Variants in CSNK1D observed in about 807,000 individuals in gnomAD.
CSNK1D encodes the protein casein kinase I isoform delta.
CSNK1D carries 16 observed loss-of-function variants against 46.6 expected under a neutral mutation model. The ratio of observed to expected loss-of-function variants is 0.34; its 90% CI spans 0.23 to 0.52. CSNK1D has a LOEUF of 0.52. CSNK1D is among the 20% of genes least tolerant of loss of function. The pLI is 0.95. For missense variants in CSNK1D, 398 were observed against 578.4 expected (o/e 0.69, Z 3.20); for synonymous variants, 276 against 228.2 (o/e 1.21, Z -1.89).
At position 82,250,938 on chromosome 17, in the gene CSNK1D, G is replaced by C; in HGVS notation, c.885+441C>G. ...CTCACACCGCATCAAGAAAGCCACA[G>C]GGAAAATCAGCTCATGACAGGGTCA... On this transcript the variant is annotated intron_variant, in intron 6 of 8. Coordinates refer to ENST00000314028, the MANE Select transcript of CSNK1D (RefSeq NM_001893.6). This position sits in a 1 kb window ranked among gnomAD's most constrained non-coding sequence, Gnocchi z 4.6. The C allele has an allele frequency of 3.8e-6, 1 of 261,466 alleles. No individual in the cohort carries two copies. Among genetic ancestry groups the C allele is most frequent in the South Asian group, 4.1e-5 (1 of 24,580 alleles). The allele number at this position is 261,466 out of a possible 1,614,324, so 16.2% of individuals were successfully genotyped here. A position where few individuals can be genotyped will look rare whatever the true frequency, so the allele number is the denominator to read the frequency against.
At chr17:82,242,034 CCTGGAGTGGA>C (rs1186796673), downstream of CSNK1D, among the ~76,000 whole-genome samples, 2 of 148,944 alleles carry the variant, frequency 1.3e-5, no homozygotes, top group Non-Finnish European at 3.0e-5. Flanking sequence ...AAGGGAGTGG[CCTGGAGTGGA>C]GAGTACTGGG....
At position 82,242,716 on chromosome 17, in the gene CSNK1D, A is replaced by G. The variant is rs1055448886; in HGVS notation, c.*2065T>C. 8 of 985,376 alleles carry G rather than the reference A, an allele frequency of 8.1e-6. No homozygotes were observed. Among genetic ancestry groups the G allele is most frequent in the Non-Finnish European group, 9.6e-6 (8 of 829,932 alleles). 61.0% of individuals were successfully genotyped at this position (985,376 alleles called of 1,614,324 possible). A position where few individuals can be genotyped will look rare whatever the true frequency, so the allele number is the denominator to read the frequency against. On this transcript the variant is annotated 3_prime_UTR_variant, in exon 9 of 9. Transcript: ENST00000314028. ...ATTATTTACACGATTGTTAAAGTAC[A>G]CAAATACAGTGGCGATACAAACGCA...
rs1379055780 is a variant in CSNK1D, at chr17:82,249,480, C to T, written c.1008G>A (p.Gly336=). 1.9e-6 allele frequency: 3 copies of T among 1,542,116 alleles called. No individual in the cohort carries two copies. The highest frequency in any genetic ancestry group is 1.7e-6 in the Non-Finnish European group (2 of 1,146,622). ...GTGTGGGGGGAGCCACTTCCTGCGT[C>T]CCCCGCAGGCGGCCGGAGGCTGTGG... is the stretch of plus-strand genomic sequence containing the variant. ...LPSTASGRLR[G]TQEVAPPTPL... The change falls in exon 7 of 9, where the codon GGG becomes GGA. Residue 336 remains glycine, a synonymous_variant. Coordinates refer to ENST00000314028, the MANE Select transcript of CSNK1D (RefSeq NM_001893.6). This position sits in a 1 kb window ranked among gnomAD's most constrained non-coding sequence, Gnocchi z 6.7.
intron 1 of CSNK1D, 97 bp from the exon 2 acceptor site, chr17:82,265,893 A>G (rs1163222457): frequency 1.0e-6 from 1 of 1,004,408 alleles, no homozygotes; most frequent in Non-Finnish European, 1.6e-6. Flanking sequence ...TTTTCCATGA[A>G]GGACCAAGTG....
At chr17:82,242,082 G>C (rs912507209), downstream of CSNK1D, among the ~76,000 whole-genome samples, 16 of 150,844 alleles carry the variant, frequency 1.1e-4, no homozygotes, top group Admixed American at 4.0e-4. Flanking sequence ...GGGGAGCTGG[G>C]AGGGGAGGCG....
Position 82,250,175 on chromosome 17 carries a change from GC to G in CSNK1D, c.886-574del. The G allele has an allele frequency of 7.8e-7, 1 of 1,289,944 alleles. No individual in the cohort carries two copies. Among genetic ancestry groups the G allele is most frequent in the Non-Finnish European group, 1.0e-6 (1 of 988,952 alleles). The allele number at this position is 1,289,944 out of a possible 1,614,324, so 79.9% of individuals were successfully genotyped here. On this transcript the variant is annotated intron_variant, in intron 6 of 8. Coordinates refer to ENST00000314028, the MANE Select transcript of CSNK1D (RefSeq NM_001893.6). This position sits in a 1 kb window ranked among gnomAD's most constrained non-coding sequence, Gnocchi z 4.6. ...GGAGGTCAGATTTTAAGCCGAGACAGCAACCTATGAAAAAGCAGATTCTAAC... is the reference window on the plus strand; with the variant it reads ...GGAGGTCAGATTTTAAGCCGAGACAGAACCTATGAAAAAGCAGATTCTAAC...
chr17:82,245,190 T>C (rs547501444), intron 8 of CSNK1D: 1 of 459,332 alleles, frequency 2.2e-6, no homozygotes, highest in African/African-American at 2.0e-5. Context: ...TGAAAAGCAG[T>C]TCCTGTCAAC....
At position 82,244,233 on chromosome 17, in the gene CSNK1D, C is replaced by T; in HGVS notation, c.*548G>A. On this transcript the variant is annotated 3_prime_UTR_variant, in exon 9 of 9. Coordinates refer to ENST00000314028, the MANE Select transcript of CSNK1D (RefSeq NM_001893.6). ...CAAACACAGCACACACCCTTGAGAT[C>T]CACCTGCACCTTCTCCCTGCCCGAC... is the stretch of plus-strand genomic sequence containing the variant. 3 of 1,067,308 alleles carry T rather than the reference C, an allele frequency of 2.8e-6. No individual in the cohort carries two copies. The highest frequency in any genetic ancestry group is 5.7e-5 in the South Asian group (2 of 34,944). 66.1% of individuals were successfully genotyped at this position (1,067,308 alleles called of 1,614,324 possible). A position where few individuals can be genotyped will look rare whatever the true frequency, so the allele number is the denominator to read the frequency against.
At chr17:82,245,944 T>TGCTGCCTGGCGCC (rs1269485032) in intron 8 of CSNK1D, 8 of 1,580,334 alleles carry the variant, frequency 5.1e-6, no homozygotes, top group Middle Eastern at 3.3e-4. Flanking sequence ...CACCTGGCGC[T>TGCTGCCTGGCGCC]GCTGCCTGGC....
chr17:82,267,860 G>A (rs530971375), intron 1 of CSNK1D, among the ~76,000 whole-genome samples: 75 of 152,330 alleles, frequency 4.9e-4, no homozygotes, highest in African/African-American at 1.7e-3. Flanking sequence ...GCCTGGGGCC[G>A]ATGGCTTGGG....
rs1026794959 is a variant in CSNK1D at position 82,252,684 on chromosome 17, T to C, written c.566-80A>G. On this transcript the variant is annotated intron_variant, in intron 4 of 8. Coordinates refer to ENST00000314028, the MANE Select transcript of CSNK1D (RefSeq NM_001893.6). This position sits in a 1 kb window ranked among gnomAD's most constrained non-coding sequence, Gnocchi z 4.6. ...CAAAAGACCCGGCTGGCCGTTCCAG[T>C]GGAGACTAGCCTCAGACACACATGC... The C allele has an allele frequency of 1.5e-5, 22 of 1,426,424 alleles. No individual in the cohort carries two copies. In the Admixed American group the frequency reaches 3.1e-4, roughly 20 times the overall value. The allele number at this position is 1,426,424 out of a possible 1,614,324, so 88.4% of individuals were successfully genotyped here.
In CSNK1D at chr17:82,273,209, C is replaced by A; in HGVS notation, c.76+97G>T. The A allele has an allele frequency of 7.9e-7, 1 of 1,271,032 alleles. No homozygotes were observed. Among genetic ancestry groups the A allele is most frequent in the South Asian group, 1.3e-5 (1 of 76,884 alleles). The allele number at this position is 1,271,032 out of a possible 1,614,324, so 78.7% of individuals were successfully genotyped here. A position where few individuals can be genotyped will look rare whatever the true frequency, so the allele number is the denominator to read the frequency against. Reference sequence around the variant, plus strand: ...GCGGTGCCGGGACTTGCGCGGAGACCCCGCGGGGGCCACCACTTCCTTCCG... The same window carrying A: ...GCGGTGCCGGGACTTGCGCGGAGACACCGCGGGGGCCACCACTTCCTTCCG... On this transcript the variant is annotated intron_variant, in intron 1 of 8. Transcript: ENST00000314028. The surrounding 1 kb of genome is among the most constrained non-coding windows in gnomAD (Gnocchi z 5.1).
At chr17:82,245,481 G>A (rs1423402497) in intron 8 of CSNK1D, 1 of 211,320 alleles carries the variant, frequency 4.7e-6, no homozygotes, top group Non-Finnish European at 9.7e-6. Flanking sequence ...CAGGAAGAGA[G>A]AGGCGACTAG....
At chr17:82,242,213 G>T (rs953915473), downstream of CSNK1D, among the ~76,000 whole-genome samples, 9 of 102,490 alleles carry the variant, frequency 8.8e-5, no homozygotes, top group Non-Finnish European at 9.2e-5. Flanking sequence ...TGTGTGCTCT[G>T]GGGGGGGGGG....
At chr17:82,263,034 G>T (rs1284995672) in intron 2 of CSNK1D, among the ~76,000 whole-genome samples, 1 of 152,116 alleles carries the variant, frequency 6.6e-6, no homozygotes, top group South Asian at 2.1e-4. Context: ...ACAAAAATTA[G>T]CCAGGCAGGG....
chr17:82,249,001 G>T lies in CSNK1D; in HGVS notation c.1071C>A (p.Pro357=), dbSNP rs535770535. ...CTCTCTCCATGCCGGAGACGGGCCG[G>T]GGGGAGGTGTTAGCTGAGGACAGGG... ...TPTSHTANTS[P]RPVSGMERER... Residue 357 remains proline (P), a synonymous_variant, in exon 8 of 9, where the codon CCC becomes CCA. Coordinates refer to ENST00000314028, the MANE Select transcript of CSNK1D (RefSeq NM_001893.6). The surrounding 1 kb of genome is among the most constrained non-coding windows in gnomAD (Gnocchi z 6.7). 9 of 1,562,198 alleles carry T rather than the reference G, an allele frequency of 5.8e-6. No individual in the cohort carries two copies. Among genetic ancestry groups the T allele is most frequent in the South Asian group, 1.2e-5 (1 of 85,484 alleles).
intron 3 of CSNK1D, chr17:82,253,784 A>C (rs1386685790): frequency 6.9e-6 from 2 of 290,662 alleles, no homozygotes; most frequent in Non-Finnish European, 1.3e-5. Flanking sequence ...CGGAGCCTCG[A>C]GAAGCCAGTG....
chr17:82,259,887 C>T (rs2051278687), intron 2 of CSNK1D, among the ~76,000 whole-genome samples: 2 of 152,196 alleles, frequency 1.3e-5, no homozygotes, highest in Admixed American at 6.5e-5. Context: ...ACTCCTGATC[C>T]ATCTGAACTG....
At position 82,250,346 on chromosome 17, in the gene CSNK1D, T is replaced by G. The variant is rs1204620001; in HGVS notation, c.886-744A>C. On this transcript the variant is annotated intron_variant, in intron 6 of 8. Coordinates refer to ENST00000314028, the MANE Select transcript of CSNK1D (RefSeq NM_001893.6). The surrounding 1 kb of genome is among the most constrained non-coding windows in gnomAD (Gnocchi z 4.6). ...CGACACACCTGCGGCTGCAGCACCG[T>G]GCGGCCAGCACCGCCCAGACTCCTC... 1 of 534,114 alleles carries G rather than the reference T, an allele frequency of 1.9e-6. No homozygotes were observed. 33.1% of individuals were successfully genotyped at this position (534,114 alleles called of 1,614,324 possible).
Sources: allele counts gnomAD v4.1 joint callset (sites outside exome capture counted in the v4.1 genomes callset), GRCh38; gene constraint gnomAD v4.1.1; non-coding constraint Gnocchi (gnomAD v3.1); transcripts MANE v1.5; gene names NCBI Gene and HGNC (gene_info 2026-07-23, HGNC 2026-07-21).